RANBP2: variants seen among roughly 807,000 people sequenced by gnomAD.
The protein encoded by RANBP2 is E3 SUMO-protein ligase RanBP2.
In RANBP2, 57 loss-of-function variants were observed where a neutral mutation model predicts 303.6. The observed-to-expected ratio is 0.19, with a 90% CI of 0.15 to 0.23. The LOEUF is 0.23. Ranked by LOEUF, RANBP2 falls within the 10% of genes least tolerant of loss-of-function variation. RANBP2 has a pLI of 1.00. For synonymous variants in RANBP2, 1,167 were observed against 1,301.5 expected (o/e 0.90, Z 2.23); for missense variants, 3,138 against 3,780.8 (o/e 0.83, Z 4.46).
At chr2:109,146,892 C>G in the RANBP2 span, among the ~76,000 whole-genome samples, 1 of 88,488 alleles carries the variant, frequency 1.1e-5, no homozygotes, top group African/African-American at 4.7e-5. Flanking sequence ...CCCTCCCCCC[C>G]CCCCCCCCCG....
Position 108,730,762 on chromosome 2 carries a change from T to C in RANBP2, c.141-12T>C. 1 of 1,610,430 alleles carries C rather than the reference T, an allele frequency of 6.2e-7. No individual in the cohort carries two copies. The highest frequency in any genetic ancestry group is 8.5e-7 in the Non-Finnish European group (1 of 1,178,952). On this transcript the variant is annotated splice_polypyrimidine_tract_variant and intron_variant, in intron 2 of 28. Transcript: ENST00000283195. ...AAGTTTAATTTACTTTTGTATTACT[T>C]TTAAAAAACAGATACATATGTACTT...
At chr2:109,118,101 C>T in the RANBP2 span, among the ~76,000 whole-genome samples, 4 of 152,208 alleles carry the variant, frequency 2.6e-5, no homozygotes, top group Non-Finnish European at 4.4e-5. Context: ...AGGCCTTCTG[C>T]GGACCCTCAT....
chr2:108,737,348 TTG>T (rs1553484213), intron 6 of RANBP2, among the ~76,000 whole-genome samples: 1,889 of 129,238 alleles, frequency 0.015, 64 homozygotes, highest in Middle Eastern at 0.033. Context: ...TTTTTTTTTT[TTG>T]TTTTTTTGAG....
the RANBP2 span, among the ~76,000 whole-genome samples, chr2:109,682,208 G>A: frequency 2.6e-5 from 4 of 152,314 alleles, no homozygotes; most frequent in East Asian, 7.7e-4. Context: ...AAGGGGGAGG[G>A]ACCCTGACAG....
At chr2:109,291,389 C>G in the RANBP2 span, among the ~76,000 whole-genome samples, 1 of 151,296 alleles carries the variant, frequency 6.6e-6, no homozygotes, top group Non-Finnish European at 1.5e-5. Flanking sequence ...TCTGCCCAAA[C>G]AGTGAGTGGG....
At chr2:108,793,619 T>C in the RANBP2 span, among the ~76,000 whole-genome samples, 3 of 151,008 alleles carry the variant, frequency 2.0e-5, no homozygotes, top group East Asian at 4.0e-4. Flanking sequence ...TTTTTTGAGA[T>C]GGAGTCTCGC....
In RANBP2 at chr2:108,766,165, G is replaced by C. The variant is rs1262299635; in HGVS notation, c.5626G>C (p.Gly1876Arg). 12 of 1,612,470 alleles carry C rather than the reference G, an allele frequency of 7.4e-6. No individual in the cohort carries two copies. Among genetic ancestry groups the C allele is most frequent in the African/African-American group, 1.3e-5 (1 of 74,838 alleles). ...QENSPSFMFQ[G>R]SSNTEFKSTK... is the part of the protein sequence containing the mutation. ...AAATTCACCTTCATTTATGTTTCAGGGTTCTTCTAATACAGAATTTAAGTC... is the reference window on the plus strand; with the variant it reads ...AAATTCACCTTCATTTATGTTTCAGCGTTCTTCTAATACAGAATTTAAGTC... Residue 1876 changes from glycine to arginine, a missense_variant, in exon 20 of 29, where the codon GGT (glycine) becomes CGT (arginine). This residue lies in a region of RANBP2 where 348 missense variants were observed against 360.4 expected (regional missense o/e 0.97). Coordinates refer to ENST00000283195, the MANE Select transcript of RANBP2 (RefSeq NM_006267.5).
chr2:108,794,217 G>A, the RANBP2 span, among the ~76,000 whole-genome samples: 2 of 152,128 alleles, frequency 1.3e-5, no homozygotes, highest in Non-Finnish European at 2.9e-5. Context: ...AGGGGAGAGA[G>A]GGGAACATGA....
the RANBP2 span, among the ~76,000 whole-genome samples, chr2:109,049,675 ATGT>A: frequency 6.6e-6 from 1 of 152,216 alleles, no homozygotes; most frequent in East Asian, 1.9e-4. Context: ...ATTTCTATCA[ATGT>A]TGTTGGACTT....
chr2:109,322,897 A>G, the RANBP2 span, among the ~76,000 whole-genome samples: 3 of 152,218 alleles, frequency 2.0e-5, no homozygotes, highest in Non-Finnish European at 4.4e-5. Context: ...TAATGTTAAG[A>G]TGAGGCCAAG....
chr2:109,636,073 A>T, the RANBP2 span, among the ~76,000 whole-genome samples: 2 of 152,218 alleles, frequency 1.3e-5, no homozygotes, highest in African/African-American at 2.4e-5. Flanking sequence ...ATGTGAGGAT[A>T]CAGAGAGAAG....
At chr2:109,609,228 A>C in the RANBP2 span, among the ~76,000 whole-genome samples, 1 of 152,218 alleles carries the variant, frequency 6.6e-6, no homozygotes, top group Non-Finnish European at 1.5e-5. Flanking sequence ...TTTATAATTT[A>C]TTCATTTAAC....
At chr2:109,647,762 G>A in the RANBP2 span, among the ~76,000 whole-genome samples, 178 of 152,172 alleles carry the variant, frequency 1.2e-3, no homozygotes, top group African/African-American at 4.0e-3. Flanking sequence ...GAGCCACCCC[G>A]CCCGGCTCGG....
chr2:108,897,869 T>C, the RANBP2 span, among the ~76,000 whole-genome samples: 1 of 152,096 alleles, frequency 6.6e-6, no homozygotes, highest in Non-Finnish European at 1.5e-5. Context: ...GTAAAACAAA[T>C]ACAAGAAGTC....
At chr2:109,369,622 G>A in the RANBP2 span, among the ~76,000 whole-genome samples, 4 of 152,174 alleles carry the variant, frequency 2.6e-5, no homozygotes, top group Non-Finnish European at 5.9e-5. Flanking sequence ...GCCTCTGGTG[G>A]CCCCCACGCT....
the RANBP2 span, among the ~76,000 whole-genome samples, chr2:109,719,025 A>G: frequency 1.7e-4 from 23 of 139,042 alleles, no homozygotes; most frequent in African/African-American, 5.5e-4. Context: ...AAAAAAAAAA[A>G]AAAGAAACAA....
the RANBP2 span, among the ~76,000 whole-genome samples, chr2:109,365,205 T>C: frequency 6.6e-6 from 1 of 152,146 alleles, no homozygotes; most frequent in Non-Finnish European, 1.5e-5. Flanking sequence ...CACGAGTGGA[T>C]TTTTCTCTGA....
chr2:108,910,762 C>T, the RANBP2 span: 4 of 1,612,388 alleles, frequency 2.5e-6, no homozygotes, highest in African/African-American at 1.3e-5. Context: ...GTGTGGAAGC[C>T]CTGGTTCACA....
chr2:109,517,869 G>A, the RANBP2 span, among the ~76,000 whole-genome samples: 8 of 152,230 alleles, frequency 5.3e-5, no homozygotes, highest in Non-Finnish European at 7.3e-5. Flanking sequence ...AGATAACGAC[G>A]CCCGAGGTCT....
Sources: allele counts gnomAD v4.1 joint callset (sites outside exome capture counted in the v4.1 genomes callset), GRCh38; gene constraint gnomAD v4.1.1; regional missense constraint gnomAD v4.1.1; transcripts MANE v1.5; gene names NCBI Gene and HGNC (gene_info 2026-07-23, HGNC 2026-07-21).